The following GALNT18 variants were observed in gnomAD, a reference collection of about 807,000 sequenced individuals.
GALNT18 encodes the protein GalNAc-transferase 18.
In GALNT18, 44 loss-of-function variants were observed where a neutral mutation model predicts 69.5. The ratio of observed to expected loss-of-function variants is 0.63; its 90% CI spans 0.50 to 0.81. GALNT18 has a LOEUF of 0.81. Ranked by LOEUF, GALNT18 falls within the 40% of genes least tolerant of loss-of-function variation. The probability of loss-of-function intolerance (pLI) is 0.00; values close to 1 mark genes in which losing one functional copy is unlikely to be tolerated. For missense variants in GALNT18, 715 were observed against 810.0 expected, an observed-to-expected ratio of 0.88 and a Z score of 1.42; for synonymous variants, 364 against 318.2, an observed-to-expected ratio of 1.14 and a Z score of -1.53.
intron 1 of GALNT18, among the ~76,000 whole-genome samples, chr11:11,568,604 G>A (rs1858709061): frequency 6.6e-6 from 1 of 152,122 alleles, no homozygotes; most frequent in African/African-American, 2.4e-5. Context: ...TCCACACCAA[G>A]AGCCAATGGA....
chr11:11,331,513 C>T (rs1850016554), intron 8 of GALNT18, among the ~76,000 whole-genome samples: 1 of 152,192 alleles, frequency 6.6e-6, no homozygotes, highest in South Asian at 2.1e-4. Flanking sequence ...CTGTTCACTA[C>T]ATTCCCATCT....
At chr11:11,528,502 A>G (rs1232214645) in intron 1 of GALNT18, among the ~76,000 whole-genome samples, 1 of 152,214 alleles carries the variant, frequency 6.6e-6, no homozygotes, top group Non-Finnish European at 1.5e-5. Flanking sequence ...GTGTGAGCTG[A>G]ATTTGGCCTT....
At chr11:11,501,279 AC>A (rs1326383036) in intron 1 of GALNT18, among the ~76,000 whole-genome samples, 1 of 152,250 alleles carries the variant, frequency 6.6e-6, no homozygotes, top group African/African-American at 2.4e-5. Flanking sequence ...CAGTGTTATT[AC>A]TTTTGAAACT....
At chr11:11,575,887 G>A (rs1375849163) in intron 1 of GALNT18, among the ~76,000 whole-genome samples, 2 of 152,180 alleles carry the variant, frequency 1.3e-5, no homozygotes, top group Admixed American at 6.5e-5. Flanking sequence ...GACGAAATGC[G>A]ACATCTGCTT....
intron 9 of GALNT18, among the ~76,000 whole-genome samples, chr11:11,300,238 A>AAAT (rs1267808188): frequency 6.6e-6 from 1 of 152,198 alleles, no homozygotes; most frequent in Middle Eastern, 3.2e-3. Context: ...TGCCCGTGAA[A>AAAT]AATGAGGTAT....
chr11:11,432,620 C>T lies in GALNT18; in HGVS notation c.595+1G>A. The T allele has an allele frequency of 6.2e-7, 1 of 1,604,742 alleles. No individual in the cohort carries two copies. The highest frequency in any genetic ancestry group is 1.7e-5 in the Admixed American group (1 of 59,078). On this transcript the variant is annotated splice_donor_variant, in intron 3 of 10. Transcript: ENST00000227756. LOFTEE classifies it high-confidence loss of function. The surrounding 1 kb of genome is among the most constrained non-coding windows in gnomAD (Gnocchi z 5.8). ...GGGCCCTGGGAAGCTCCGACACTCA[C>T]CGTTACTGCTGTTGTCATCCACCAG...
rs141054075 is a variant in GALNT18 at position 11,285,211 on chromosome 11, C to T, written c.1677+7818G>A. On this transcript the variant is annotated intron_variant, in intron 10 of 10. Transcript: ENST00000227756. ...ATCCACTGGTTTTCCAGAGGCAGGA[C>T]AAGGGACCATGGTATGGTGGTTTAA... is the stretch of plus-strand genomic sequence containing the variant. Among the ~76,000 whole-genome samples, 215 of 152,160 alleles carry T rather than the reference C, an allele frequency of 1.4e-3. 2 individuals are homozygous for T. The highest frequency in any genetic ancestry group is 0.01 in the Middle Eastern group (3 of 294).
chr11:11,362,812 C>G (rs1850673139), intron 6 of GALNT18, among the ~76,000 whole-genome samples: 1 of 152,072 alleles, frequency 6.6e-6, no homozygotes, highest in Non-Finnish European at 1.5e-5. Context: ...ATGCATTTAC[C>G]CTTTGACTTC....
At position 11,621,605 on chromosome 11, in the gene GALNT18, T is replaced by C. The variant is rs1270776929; in HGVS notation, c.-12A>G. The C allele has an allele frequency of 1.9e-6, 3 of 1,566,242 alleles. No individual in the cohort carries two copies. The Admixed American group carries it at 5.7e-5, about 30-fold the overall frequency. On this transcript the variant is annotated 5_prime_UTR_variant, in exon 1 of 11. Coordinates refer to ENST00000227756, the MANE Select transcript of GALNT18 (RefSeq NM_198516.3). The surrounding 1 kb of genome is among the most constrained non-coding windows in gnomAD (Gnocchi z 9.3). ...CTGGTGCACACCATTCTGGGCTCCTTCCTCCATATAGAGCTCCCGGGGGCC... is the reference window on the plus strand; with the variant it reads ...CTGGTGCACACCATTCTGGGCTCCTCCCTCCATATAGAGCTCCCGGGGGCC...
In GALNT18 at chr11:11,372,073, T is replaced by A. The variant is rs1850920832; in HGVS notation, c.1092+442A>T. On this transcript the variant is annotated intron_variant, in intron 6 of 10. Transcript: ENST00000227756. This position sits in a 1 kb window ranked among gnomAD's most constrained non-coding sequence, Gnocchi z 4.9. ...ACCCTGAGTTTATTTCTCTGGGCTA[T>A]CTCTTAACAAAGTCTTTGGGAATGT... 6.6e-6 allele frequency among the ~76,000 whole-genome samples: 1 copy of A among 152,154 alleles called. No homozygotes were observed.
intron 1 of GALNT18, among the ~76,000 whole-genome samples, chr11:11,504,691 G>C (rs912165814): frequency 2.0e-5 from 3 of 152,112 alleles, no homozygotes; most frequent in African/African-American, 7.2e-5. Flanking sequence ...CTGGAAGGTG[G>C]AGGTTGCGGT....
chr11:11,300,831 G>A (rs1240143087), intron 9 of GALNT18, among the ~76,000 whole-genome samples: 1 of 152,220 alleles, frequency 6.6e-6, no homozygotes, highest in African/African-American at 2.4e-5. Context: ...CAGTCTCAGG[G>A]ACTGGGGCCT....
At chr11:11,485,532 G>A (rs58887366) in intron 1 of GALNT18, among the ~76,000 whole-genome samples, 32 of 152,310 alleles carry the variant, frequency 2.1e-4, no homozygotes, top group African/African-American at 4.6e-4. Flanking sequence ...TGGGGATGAA[G>A]ACCAACTATG....
At chr11:11,486,896 G>A (rs1856658089) in intron 1 of GALNT18, among the ~76,000 whole-genome samples, 1 of 152,214 alleles carries the variant, frequency 6.6e-6, no homozygotes, top group African/African-American at 2.4e-5. Context: ...GTGTATGTGA[G>A]GGAAGGAATA....
chr11:11,579,107 G>T (rs776884878), intron 1 of GALNT18, among the ~76,000 whole-genome samples: 3 of 152,240 alleles, frequency 2.0e-5, no homozygotes, highest in Non-Finnish European at 2.9e-5. Context: ...CATAGGTTTG[G>T]CTGGGAACTG....
chr11:11,378,963 T>A, intron 4 of GALNT18, 118 bp downstream of exon 4: 1 of 968,096 alleles, frequency 1.0e-6, no homozygotes, highest in Non-Finnish European at 1.5e-6. Flanking sequence ...TCTCACCTAT[T>A]CCCAGAATTA....
intron 9 of GALNT18, among the ~76,000 whole-genome samples, chr11:11,316,415 C>T (rs1002640220): frequency 6.6e-6 from 1 of 152,154 alleles, no homozygotes; most frequent in African/African-American, 2.4e-5. Flanking sequence ...GGTGCAAGCA[C>T]GATCCATGAG....
At chr11:11,608,231 C>T (rs780174001) in intron 1 of GALNT18, among the ~76,000 whole-genome samples, 2 of 152,206 alleles carry the variant, frequency 1.3e-5, no homozygotes, top group African/African-American at 2.4e-5. Flanking sequence ...TATTCCTGAC[C>T]GTATTTTCTA....
chr11:11,445,701 GC>G (rs1209359435), intron 2 of GALNT18, among the ~76,000 whole-genome samples: 4 of 152,204 alleles, frequency 2.6e-5, no homozygotes, highest in Non-Finnish European at 5.9e-5. Flanking sequence ...CTTTCACAGA[GC>G]CCTCCCTGAG....
Sources: gnomAD v4.1 joint callset for allele counts (sites outside exome capture counted in the v4.1 genomes callset) on GRCh38, gnomAD v4.1.1 for gene constraint, Gnocchi (gnomAD v3.1) non-coding constraint, MANE v1.5 for transcripts, NCBI Gene and HGNC (gene_info 2026-07-23, HGNC 2026-07-21) for gene names.